The following AADACL2 variants were observed in gnomAD, a reference collection of about 807,000 sequenced individuals.
AADACL2 encodes the protein arylacetamide deacetylase-like 2.
Under a neutral mutation model 22.3 loss-of-function variants are expected in AADACL2, and 23 were observed. The ratio of observed to expected loss-of-function variants is 1.03; its 90% CI spans 0.74 to 1.46. AADACL2 has a LOEUF of 1.46. Ranked by LOEUF, AADACL2 falls within the 40% of genes most tolerant of loss-of-function variation. The pLI, the probability that AADACL2 is intolerant of heterozygous loss-of-function variation, is 0.00. For synonymous variants in AADACL2, 177 were observed against 166.2 expected (o/e 1.07, Z -0.50); for missense variants, 472 against 482.9 (o/e 0.98, Z 0.21).
chr3:151,748,194 A>C (rs1207071304), intron 4 of AADACL2, among the ~76,000 whole-genome samples: 1 of 152,146 alleles, frequency 6.6e-6, no homozygotes, highest in Non-Finnish European at 1.5e-5. Context: ...TGCTTAGACT[A>C]ATATAAAGTC....
rs570719009 is a variant in AADACL2 at position 151,746,497 on chromosome 3, A to T, written c.603+817A>T. ...TGCACTGTCTGGGGCCTCTAGTAAA[A>T]TATTTAATATAACTCTCTTGCTTTG... is the stretch of plus-strand genomic sequence containing the variant. On this transcript the variant is annotated intron_variant, in intron 4 of 4. Coordinates refer to ENST00000356517, the MANE Select transcript of AADACL2 (RefSeq NM_207365.4). Among the ~76,000 whole-genome samples, 65 of 151,852 alleles carry T rather than the reference A, an allele frequency of 4.3e-4. No individual in the cohort carries two copies. The South Asian group carries it at 0.012, about 29-fold the overall frequency.
In AADACL2 at chr3:151,759,074, G is replaced by A. The variant is rs1004607274; in HGVS notation, c.*1480G>A. Reference sequence around the variant, plus strand: ...AAGCTAAAAACGCAAACATGACTATGACAAATGAAAATAAGTATCATGGGA... The same window carrying A: ...AAGCTAAAAACGCAAACATGACTATAACAAATGAAAATAAGTATCATGGGA... On this transcript the variant is annotated 3_prime_UTR_variant, in exon 5 of 5. Transcript: ENST00000356517. 3.3e-5 allele frequency: 5 copies of A among 151,942 alleles called. No homozygotes were observed. The highest frequency in any genetic ancestry group is 1.2e-4 in the African/African-American group (5 of 41,380). 9.4% of individuals were successfully genotyped at this position (151,942 alleles called of 1,614,324 possible). A position where few individuals can be genotyped will look rare whatever the true frequency, so the allele number is the denominator to read the frequency against.
chr3:151,754,032 G>A (rs940155071), intron 4 of AADACL2, among the ~76,000 whole-genome samples: 1 of 152,114 alleles, frequency 6.6e-6, no homozygotes, highest in Non-Finnish European at 1.5e-5. Context: ...TATGCCAAGT[G>A]CAGGTGTCCA....
chr3:151,744,293 C>T, intron 3 of AADACL2, 131 bp downstream of exon 3: 1 of 757,864 alleles, frequency 1.3e-6, no homozygotes, highest in Non-Finnish European at 2.1e-6. Flanking sequence ...ACCATTGCAA[C>T]ATAGACTGCT....
intron 4 of AADACL2, among the ~76,000 whole-genome samples, chr3:151,754,113 G>C (rs1454233409): frequency 6.6e-6 from 1 of 152,084 alleles, no homozygotes; most frequent in African/African-American, 2.4e-5. Flanking sequence ...TGAAGTCATG[G>C]ATCATCCCTT....
At position 151,752,516 on chromosome 3, in the gene AADACL2, T is replaced by C. The variant is rs564207916; in HGVS notation, c.604-4476T>C. ...ATGTGGCTTGCTGGTCACAACGATC[T>C]GGATGATCACTATAGCTTAGAAAAC... is the stretch of plus-strand genomic sequence containing the variant. On this transcript the variant is annotated intron_variant, in intron 4 of 4. Transcript: ENST00000356517. Among the ~76,000 whole-genome samples, 3 of 152,366 alleles carry C rather than the reference T, an allele frequency of 2.0e-5. No individual in the cohort carries two copies. In the East Asian group the frequency reaches 5.8e-4, roughly 29 times the overall value.
rs1055086287 is a variant in AADACL2, at chr3:151,734,229, A to G, written c.138+56A>G. ...AATTGGGATGACTTATTGACTAAAA[A>G]TGGGTGCTTATGAACTCTTTTATTA... On this transcript the variant is annotated intron_variant, in intron 1 of 4. Coordinates refer to ENST00000356517, the MANE Select transcript of AADACL2 (RefSeq NM_207365.4). 6 of 1,557,422 alleles carry G rather than the reference A, an allele frequency of 3.9e-6. No homozygotes were observed. The Admixed American group carries it at 5.7e-5, about 15-fold the overall frequency.
In AADACL2 at chr3:151,758,309, C is replaced by T. The variant is rs1396116091; in HGVS notation, c.*715C>T. On this transcript the variant is annotated 3_prime_UTR_variant, in exon 5 of 5. Coordinates refer to ENST00000356517, the MANE Select transcript of AADACL2 (RefSeq NM_207365.4). ...TGCTTCATCTTCACATTGCCTTCTT[C>T]TCTGCCTGTGTCTAATCTCCCTATG... The T allele has an allele frequency of 3.3e-5, 5 of 152,254 alleles. No homozygotes were observed. Among genetic ancestry groups the T allele is most frequent in the Non-Finnish European group, 7.3e-5 (5 of 68,062 alleles). The allele number at this position is 152,254 out of a possible 1,614,324, so 9.4% of individuals were successfully genotyped here.
intron 1 of AADACL2, among the ~76,000 whole-genome samples, chr3:151,736,853 C>A (rs780736340): frequency 6.6e-6 from 1 of 152,096 alleles, no homozygotes; most frequent in Non-Finnish European, 1.5e-5. Context: ...AATGGGATTG[C>A]TGGGTCAAAT....
At position 151,744,130 on chromosome 3, in the gene AADACL2, A is replaced by G. The variant is rs755766477; in HGVS notation, c.399A>G (p.Ala133=). 3.1e-6 allele frequency: 5 copies of G among 1,613,662 alleles called. No homozygotes were observed. In the African/African-American group the frequency reaches 6.7e-5, roughly 22 times the overall value. Residue 133 remains alanine (A), a synonymous_variant, in exon 3 of 5, where the codon GCA becomes GCG. Coordinates refer to ENST00000356517, the MANE Select transcript of AADACL2 (RefSeq NM_207365.4). ...TTGACTTCCTGAATAGATGGACGGCAAACACGCTTGATGCTGTTGTTGTAG... is the reference window on the plus strand; with the variant it reads ...TTGACTTCCTGAATAGATGGACGGCGAACACGCTTGATGCTGTTGTTGTAG... ...RAFDFLNRWT[A]NTLDAVVVGV... is the part of the protein sequence containing the mutation.
At chr3:151,744,234 T>C (rs548538380) in intron 3 of AADACL2, 72 bp downstream of exon 3, 7 of 1,362,250 alleles carry the variant, frequency 5.1e-6, no homozygotes, top group Middle Eastern at 1.9e-4. Context: ...CCACATCAAG[T>C]CAGCTATGCT....
intron 1 of AADACL2, among the ~76,000 whole-genome samples, chr3:151,739,769 G>T (rs1850951): frequency 0.36 from 54,026 of 151,990 alleles, 9,834 homozygotes; most frequent in Middle Eastern, 0.5. Flanking sequence ...ACATGGTGCT[G>T]AATTCCAACC....
chr3:151,760,909 G>C lies in AADACL2; in HGVS notation c.*3315G>C, dbSNP rs1714119728. On this transcript the variant is annotated 3_prime_UTR_variant, in exon 5 of 5. Transcript: ENST00000356517. ...AATCTTCACATGATATTCTCCCGTT[G>C]TATGTGTTCTTCCCCAATTTTCCCT... 6.6e-6 allele frequency: 1 copy of C among 151,858 alleles called. No homozygotes were observed. The highest frequency in any genetic ancestry group is 2.4e-5 in the African/African-American group (1 of 41,322). The allele number at this position is 151,858 out of a possible 1,614,324, so 9.4% of individuals were successfully genotyped here.
intron 1 of AADACL2, among the ~76,000 whole-genome samples, chr3:151,739,497 G>A (rs528584098): frequency 2.6e-4 from 40 of 152,346 alleles, no homozygotes; most frequent in Middle Eastern, 6.8e-3. Flanking sequence ...TGAGGAGACA[G>A]TCTGTCCCTT....
intron 1 of AADACL2, among the ~76,000 whole-genome samples, chr3:151,734,377 A>G (rs990982710): frequency 5.3e-5 from 8 of 152,204 alleles, no homozygotes; most frequent in African/African-American, 1.9e-4. Context: ...CTCAATTCTA[A>G]GACTTTATGT....
intron 1 of AADACL2, among the ~76,000 whole-genome samples, chr3:151,736,206 A>G (rs1365236757): frequency 2.0e-5 from 3 of 152,216 alleles, no homozygotes; most frequent in Admixed American, 6.5e-5. Flanking sequence ...GCGGCATAAA[A>G]AAACTGCTAG....
Position 151,738,627 on chromosome 3 carries a change from C to T in AADACL2, c.139-2019C>T, listed in dbSNP as rs140097225. Reference sequence around the variant, plus strand: ...CCATTCTCCTTGTCACTTTCAGGTACACCAATCTAACGTAGGTTTGGTCTT... The same window carrying T: ...CCATTCTCCTTGTCACTTTCAGGTATACCAATCTAACGTAGGTTTGGTCTT... On this transcript the variant is annotated intron_variant, in intron 1 of 4. Coordinates refer to ENST00000356517, the MANE Select transcript of AADACL2 (RefSeq NM_207365.4). Among the ~76,000 whole-genome samples the T allele has an allele frequency of 4.1e-3, 624 of 152,318 alleles. 7 individuals carry two copies. Among genetic ancestry groups the T allele is most frequent in the African/African-American group, 0.014 (574 of 41,576 alleles).
At chr3:151,734,796 C>A (rs972445630) in intron 1 of AADACL2, among the ~76,000 whole-genome samples, 1 of 152,102 alleles carries the variant, frequency 6.6e-6, no homozygotes, top group African/African-American at 2.4e-5. Context: ...CCCCGCTATC[C>A]TGCAATTATT....
intron 4 of AADACL2, among the ~76,000 whole-genome samples, chr3:151,752,001 T>C (rs527590977): frequency 6.6e-6 from 1 of 152,352 alleles, no homozygotes; most frequent in East Asian, 1.9e-4. Flanking sequence ...GTGTACTTAA[T>C]GAGCATTTAA....
Sources: allele counts gnomAD v4.1 joint callset (sites outside exome capture counted in the v4.1 genomes callset), GRCh38; gene constraint gnomAD v4.1.1; transcripts MANE v1.5; gene names NCBI Gene and HGNC (gene_info 2026-07-23, HGNC 2026-07-21).